The following ARF6 variants were observed in gnomAD, a reference collection of about 807,000 sequenced individuals.
ARF6 encodes the protein ARF GTPase 6, also known as ADP-ribosylation factor 6.
For missense variants in ARF6, 75 were observed against 232.0 expected (o/e 0.32, Z 4.40); for synonymous variants, 127 against 95.5 (o/e 1.33, Z -1.92).
rs1342015638 is a variant in ARF6 at position 49,895,244 on chromosome 14, A to C, written c.*980A>C. ...TAAGTGACTTTTGGGCAAAACTGGAATGTATACTTTTACCTTGTTTCAAAC... is the reference window on the plus strand; with the variant it reads ...TAAGTGACTTTTGGGCAAAACTGGACTGTATACTTTTACCTTGTTTCAAAC... On this transcript the variant is annotated 3_prime_UTR_variant, in exon 2 of 2. Transcript: ENST00000298316. The C allele has an allele frequency of 6.0e-6, 1 of 166,992 alleles. No homozygotes were observed. The highest frequency in any genetic ancestry group is 2.4e-5 in the African/African-American group (1 of 41,458). 10.3% of individuals were successfully genotyped at this position (166,992 alleles called of 1,614,324 possible).
At position 49,895,175 on chromosome 14, in the gene ARF6, A is replaced by G. The variant is rs1169893120; in HGVS notation, c.*911A>G. ...TAGACTCTTTCCAGAAATTGGAGCA[A>G]TAATGGTGTTACCACACACAGATTA... On this transcript the variant is annotated 3_prime_UTR_variant, in exon 2 of 2. Transcript: ENST00000298316. 1 of 166,942 alleles carries G rather than the reference A, an allele frequency of 6.0e-6. No individual in the cohort carries two copies. The highest frequency in any genetic ancestry group is 1.9e-4 in the East Asian group (1 of 5,206). The allele number at this position is 166,942 out of a possible 1,614,324, so 10.3% of individuals were successfully genotyped here. A position where few individuals can be genotyped will look rare whatever the true frequency, so the allele number is the denominator to read the frequency against.
Position 49,894,814 on chromosome 14 carries a change from C to G in ARF6, c.*550C>G, listed in dbSNP as rs1279290200. Reference sequence around the variant, plus strand: ...ATATTTAAGGCCTTCCCCCCCCTTCCTTATGAGTTCTAACTTAGTAATTTC... The same window carrying G: ...ATATTTAAGGCCTTCCCCCCCCTTCGTTATGAGTTCTAACTTAGTAATTTC... On this transcript the variant is annotated 3_prime_UTR_variant, in exon 2 of 2. Transcript: ENST00000298316. 1 of 167,494 alleles carries G rather than the reference C, an allele frequency of 6.0e-6. No homozygotes were observed. The highest frequency in any genetic ancestry group is 1.5e-5 in the Non-Finnish European group (1 of 68,478). 10.4% of individuals were successfully genotyped at this position (167,494 alleles called of 1,614,324 possible). A position where few individuals can be genotyped will look rare whatever the true frequency, so the allele number is the denominator to read the frequency against.
In ARF6 at chr14:49,893,500, C is replaced by T. The variant is rs1488571162; in HGVS notation, c.-237C>T. On this transcript the variant is annotated 5_prime_UTR_variant, in exon 2 of 2. Coordinates refer to ENST00000298316, the MANE Select transcript of ARF6 (RefSeq NM_001663.4). ...CGCGCCTCAGCAGGGCGGCGGCTCC[C>T]AGCGCAGTCTCAGGGCCCGGGTGGC... is the stretch of plus-strand genomic sequence containing the variant. 5 of 514,622 alleles carry T rather than the reference C, an allele frequency of 9.7e-6. No individual in the cohort carries two copies. Among genetic ancestry groups the T allele is most frequent in the African/African-American group, 3.9e-5 (2 of 51,518 alleles). 31.9% of individuals were successfully genotyped at this position (514,622 alleles called of 1,614,324 possible). A position where few individuals can be genotyped will look rare whatever the true frequency, so the allele number is the denominator to read the frequency against.
rs901456683 is a variant in ARF6 at position 49,895,526 on chromosome 14, C to G, written c.*1262C>G. ...ATTTTGTTTGTAGGATTAACTCATGCAAATAATAAAAAAGATATCCTGTTG... is the reference window on the plus strand; with the variant it reads ...ATTTTGTTTGTAGGATTAACTCATGGAAATAATAAAAAAGATATCCTGTTG... On this transcript the variant is annotated 3_prime_UTR_variant, in exon 2 of 2. Coordinates refer to ENST00000298316, the MANE Select transcript of ARF6 (RefSeq NM_001663.4). The G allele has an allele frequency of 1.2e-5, 2 of 166,862 alleles. No homozygotes were observed. Among genetic ancestry groups the G allele is most frequent in the Non-Finnish European group, 2.9e-5 (2 of 68,078 alleles). 10.3% of individuals were successfully genotyped at this position (166,862 alleles called of 1,614,324 possible).
chr14:49,894,001 G>C lies in ARF6; in HGVS notation c.265G>C (p.Asp89His). The C allele has an allele frequency of 6.2e-7, 1 of 1,614,240 alleles. No individual in the cohort carries two copies. The highest frequency in any genetic ancestry group is 8.5e-7 in the Non-Finnish European group (1 of 1,180,042). ...TGTQGLIFVVDCADRDRIDEA... is the reference protein window; with the variant it reads ...TGTQGLIFVVHCADRDRIDEA... Reference sequence around the variant, plus strand: ...GACCCAAGGTCTCATCTTCGTAGTGGACTGCGCCGACCGCGACCGCATCGA... The same window carrying C: ...GACCCAAGGTCTCATCTTCGTAGTGCACTGCGCCGACCGCGACCGCATCGA... Residue 89 changes from aspartate to histidine, a missense_variant, in exon 2 of 2, where the codon GAC (aspartate) becomes CAC (histidine). Transcript: ENST00000298316.
chr14:49,894,234 C>T lies in ARF6; in HGVS notation c.498C>T (p.Leu166=). 6.2e-7 allele frequency: 1 copy of T among 1,613,480 alleles called. No homozygotes were observed. The highest frequency in any genetic ancestry group is 8.5e-7 in the Non-Finnish European group (1 of 1,179,608). Residue 166 remains leucine (L), a synonymous_variant, in exon 2 of 2, where the codon CTC becomes CTT. Transcript: ENST00000298316. ...ATSGDGLYEG[L]TWLTSNYKS is the part of the protein sequence containing the mutation. Reference sequence around the variant, plus strand: ...CAGGGGACGGACTCTATGAGGGGCTCACATGGTTAACCTCTAACTACAAAT... The same window carrying T: ...CAGGGGACGGACTCTATGAGGGGCTTACATGGTTAACCTCTAACTACAAAT...
At position 49,896,234 on chromosome 14, in the gene ARF6, T is replaced by C. The variant is rs897216254; in HGVS notation, c.*1970T>C. On this transcript the variant is annotated 3_prime_UTR_variant, in exon 2 of 2. Transcript: ENST00000298316. ...AAGTACGAAGTTCTCAGTTTCACTT[T>C]AGTAGAAAGAGCTCTAGAAATGAGG... is the stretch of plus-strand genomic sequence containing the variant. 1.8e-5 allele frequency: 3 copies of C among 167,042 alleles called. No homozygotes were observed. Among genetic ancestry groups the C allele is most frequent in the African/African-American group, 7.2e-5 (3 of 41,464 alleles). The allele number at this position is 167,042 out of a possible 1,614,324, so 10.3% of individuals were successfully genotyped here. A position where few individuals can be genotyped will look rare whatever the true frequency, so the allele number is the denominator to read the frequency against.
At position 49,893,575 on chromosome 14, in the gene ARF6, C is replaced by T. The variant is rs1351713622; in HGVS notation, c.-162C>T. On this transcript the variant is annotated 5_prime_UTR_variant, in exon 2 of 2. Transcript: ENST00000298316. ...GTGCGGTCGGTGATGCCCGAGTGAG[C>T]GGGGGGCCTGGGCCTCTGCCCTTAG... 6.1e-5 allele frequency: 48 copies of T among 790,634 alleles called. No homozygotes were observed. The East Asian group carries it at 8.2e-4, about 14-fold the overall frequency. 49.0% of individuals were successfully genotyped at this position (790,634 alleles called of 1,614,324 possible). A position where few individuals can be genotyped will look rare whatever the true frequency, so the allele number is the denominator to read the frequency against.
rs1894504846 is a variant in ARF6 at position 49,895,124 on chromosome 14, T to C, written c.*860T>C. On this transcript the variant is annotated 3_prime_UTR_variant, in exon 2 of 2. Transcript: ENST00000298316. ...ACTGCAAAGTTAGCCACTTTGCTGT[T>C]TTTCCTCTTTTTTAAACTTTGAAAA... The C allele has an allele frequency of 6.0e-6, 1 of 166,962 alleles. No individual in the cohort carries two copies. The highest frequency in any genetic ancestry group is 2.1e-4 in the South Asian group (1 of 4,830). The allele number at this position is 166,962 out of a possible 1,614,324, so 10.3% of individuals were successfully genotyped here.
chr14:49,894,324 T>G lies in ARF6; in HGVS notation c.*60T>G. 1.4e-6 allele frequency: 2 copies of G among 1,462,750 alleles called. No individual in the cohort carries two copies. Among genetic ancestry groups the G allele is most frequent in the Non-Finnish European group, 1.8e-6 (2 of 1,089,244 alleles). The allele number at this position is 1,462,750 out of a possible 1,614,324, so 90.6% of individuals were successfully genotyped here. A position where few individuals can be genotyped will look rare whatever the true frequency, so the allele number is the denominator to read the frequency against. ...AATCAAAAACCCATTCATAGGATTA[T>G]CGCCACCATCACCTCTTTCAATTGC... is the stretch of plus-strand genomic sequence containing the variant. On this transcript the variant is annotated 3_prime_UTR_variant, in exon 2 of 2. Coordinates refer to ENST00000298316, the MANE Select transcript of ARF6 (RefSeq NM_001663.4).
rs1894470237 is a variant in ARF6 at position 49,893,164 on chromosome 14, C to T, written c.-482+7C>T. On this transcript the variant is annotated splice_region_variant and intron_variant, in intron 1 of 1. Coordinates refer to ENST00000298316, the MANE Select transcript of ARF6 (RefSeq NM_001663.4). ...CTCGGGGCGGCGGCTGGAGGTAACC[C>T]CTTGGGCCGAGCTGGAAAGGCGGGC... 1 of 152,010 alleles carries T rather than the reference C, an allele frequency of 6.6e-6. No homozygotes were observed. Among genetic ancestry groups the T allele is most frequent in the Admixed American group, 6.6e-5 (1 of 15,252 alleles). The allele number at this position is 152,010 out of a possible 1,614,324, so 9.4% of individuals were successfully genotyped here.
chr14:49,893,610 C>T lies in ARF6; in HGVS notation c.-127C>T, dbSNP rs1406416978. ...GGGCCTCTGCCCTTAGGAGGCAACT[C>T]CCACGCAGGCCGCAAAGGCGCTCTC... On this transcript the variant is annotated 5_prime_UTR_variant, in exon 2 of 2. Transcript: ENST00000298316. 8.0e-7 allele frequency: 1 copy of T among 1,244,788 alleles called. No homozygotes were observed. Among genetic ancestry groups the T allele is most frequent in the Admixed American group, 2.3e-5 (1 of 43,108 alleles). 77.1% of individuals were successfully genotyped at this position (1,244,788 alleles called of 1,614,324 possible).
At position 49,896,625 on chromosome 14, in the gene ARF6, ATG is replaced by A. The variant is rs1421392807; in HGVS notation, c.*2363_*2364del. The A allele has an allele frequency of 6.0e-6, 1 of 167,002 alleles. No individual in the cohort carries two copies. The highest frequency in any genetic ancestry group is 1.5e-5 in the Non-Finnish European group (1 of 68,076). The allele number at this position is 167,002 out of a possible 1,614,324, so 10.3% of individuals were successfully genotyped here. A position where few individuals can be genotyped will look rare whatever the true frequency, so the allele number is the denominator to read the frequency against. ...TGTGGTTATTTTTAGTTTATTTGAA[ATG>A]TTTGACTGGAAAGGGGGGAGGGGGA... On this transcript the variant is annotated 3_prime_UTR_variant, in exon 2 of 2. Transcript: ENST00000298316.
rs377296430 is a variant in ARF6 at position 49,893,468 on chromosome 14, G to C, written c.-269G>C. 1 of 366,482 alleles carries C rather than the reference G, an allele frequency of 2.7e-6. No individual in the cohort carries two copies. The highest frequency in any genetic ancestry group is 4.9e-6 in the Non-Finnish European group (1 of 203,894). 22.7% of individuals were successfully genotyped at this position (366,482 alleles called of 1,614,324 possible). ...CCTGCGGGGGGAAGGGCAGTTCCGG[G>C]CCGGGCCGCGCCTCAGCAGGGCGGC... On this transcript the variant is annotated 5_prime_UTR_variant, in exon 2 of 2. Coordinates refer to ENST00000298316, the MANE Select transcript of ARF6 (RefSeq NM_001663.4).
At position 49,894,591 on chromosome 14, in the gene ARF6, G is replaced by A. The variant is rs1894496680; in HGVS notation, c.*327G>A. The A allele has an allele frequency of 4.1e-6, 1 of 244,278 alleles. No homozygotes were observed. Among genetic ancestry groups the A allele is most frequent in the South Asian group, 1.2e-4 (1 of 8,532 alleles). The allele number at this position is 244,278 out of a possible 1,614,324, so 15.1% of individuals were successfully genotyped here. On this transcript the variant is annotated 3_prime_UTR_variant, in exon 2 of 2. Transcript: ENST00000298316. ...GGGAAACACAGCAGTTCTTGGTAAA[G>A]TCCTTTGTAATAATAGTTTGATTTT...
chr14:49,894,823 TCTAA>T lies in ARF6; in HGVS notation c.*562_*565del, dbSNP rs1162598537. The T allele has an allele frequency of 1.8e-5, 3 of 167,490 alleles. No homozygotes were observed. Among genetic ancestry groups the T allele is most frequent in the East Asian group, 3.9e-4 (2 of 5,190 alleles). 10.4% of individuals were successfully genotyped at this position (167,490 alleles called of 1,614,324 possible). A position where few individuals can be genotyped will look rare whatever the true frequency, so the allele number is the denominator to read the frequency against. Reference sequence around the variant, plus strand: ...GCCTTCCCCCCCCTTCCTTATGAGTTCTAACTTAGTAATTTCAAATGTGACCTTT... The same window carrying T: ...GCCTTCCCCCCCCTTCCTTATGAGTTCTTAGTAATTTCAAATGTGACCTTT... On this transcript the variant is annotated 3_prime_UTR_variant, in exon 2 of 2. Coordinates refer to ENST00000298316, the MANE Select transcript of ARF6 (RefSeq NM_001663.4).
rs980443508 is a variant in ARF6, at chr14:49,894,003, C to T, written c.267C>T (p.Asp89=). Residue 89 remains aspartate, a synonymous_variant, in exon 2 of 2, where the codon GAC becomes GAT. Transcript: ENST00000298316. ...CCCAAGGTCTCATCTTCGTAGTGGA[C>T]TGCGCCGACCGCGACCGCATCGATG... The part of the protein sequence containing the change: ...TGTQGLIFVV[D]CADRDRIDEA... The T allele has an allele frequency of 6.2e-7, 1 of 1,614,118 alleles. No homozygotes were observed. Among genetic ancestry groups the T allele is most frequent in the African/African-American group, 1.3e-5 (1 of 74,942 alleles).
chr14:49,896,761 T>C lies in ARF6; in HGVS notation c.*2497T>C, dbSNP rs543810832. ...GAGGTTTATAATTGATGTAGTTAAA[T>C]TGAACAATAACCATTGGTGACTGGA... is the stretch of plus-strand genomic sequence containing the variant. On this transcript the variant is annotated 3_prime_UTR_variant, in exon 2 of 2. Transcript: ENST00000298316. The C allele has an allele frequency of 6.0e-6, 1 of 167,158 alleles. No homozygotes were observed. Among genetic ancestry groups the C allele is most frequent in the South Asian group, 2.1e-4 (1 of 4,822 alleles). 10.4% of individuals were successfully genotyped at this position (167,158 alleles called of 1,614,324 possible).
chr14:49,896,814 TTATC>T lies in ARF6; in HGVS notation c.*2553_*2556del, dbSNP rs553513509. On this transcript the variant is annotated 3_prime_UTR_variant, in exon 2 of 2. Coordinates refer to ENST00000298316, the MANE Select transcript of ARF6 (RefSeq NM_001663.4). ...AGGTAATTATAGCCTGCAGAAAAAATTATCTAAGAATTTTAAAAATAAGATCCTG... is the reference window on the plus strand; with the variant it reads ...AGGTAATTATAGCCTGCAGAAAAAATTAAGAATTTTAAAAATAAGATCCTG... 36 of 167,118 alleles carry T rather than the reference TTATC, an allele frequency of 2.2e-4. No individual in the cohort carries two copies. In the East Asian group the frequency reaches 4.8e-3, roughly 22 times the overall value. 10.4% of individuals were successfully genotyped at this position (167,118 alleles called of 1,614,324 possible).
Sources: allele counts gnomAD v4.1 joint callset, GRCh38; gene constraint gnomAD v4.1.1; transcripts MANE v1.5; gene names NCBI Gene and HGNC (gene_info 2026-07-23, HGNC 2026-07-21).